Variants in ERC2 observed in about 807,000 individuals in gnomAD.
ERC2 encodes the protein ELKS/RAB6-interacting/CAST family member 2.
Under a neutral mutation model 114.8 loss-of-function variants are expected in ERC2, and 42 were observed. That is an observed-to-expected ratio of 0.37 (90% CI 0.29 to 0.47). The LOEUF (loss-of-function observed/expected upper bound fraction) is 0.47, where lower values mean the gene tolerates loss of function less well. Ranked by LOEUF, ERC2 falls within the 20% of genes least tolerant of loss-of-function variation. The pLI is 0.99. For synonymous variants in ERC2, 454 were observed against 425.5 expected (o/e 1.07, Z -0.82); for missense variants, 939 against 1,150.7 (o/e 0.82, Z 2.66).
intron 14 of ERC2, among the ~76,000 whole-genome samples, chr3:55,856,277 A>T (rs2149252605): frequency 6.6e-6 from 1 of 152,342 alleles, no homozygotes; most frequent in Admixed American, 6.5e-5. Context: ...TGCTTGAGTG[A>T]TCGATCTGCT....
intron 14 of ERC2, among the ~76,000 whole-genome samples, chr3:55,831,000 A>G (rs74817285): frequency 0.17 from 25,538 of 151,800 alleles, 2,418 homozygotes; most frequent in East Asian, 0.22. Context: ...ATAAATTAAA[A>G]TAGAATATTA....
chr3:56,265,283 G>A (rs1256346233), intron 3 of ERC2, among the ~76,000 whole-genome samples: 1 of 152,068 alleles, frequency 6.6e-6, no homozygotes, highest in African/African-American at 2.4e-5. Flanking sequence ...AGAACAGAGA[G>A]TTCAGAAAGA....
intron 2 of ERC2, among the ~76,000 whole-genome samples, chr3:56,360,765 A>T (rs2058926875): frequency 6.6e-6 from 1 of 152,040 alleles, no homozygotes; most frequent in Admixed American, 6.6e-5. Flanking sequence ...AAAATTAGCC[A>T]AGCATGGTGG....
intron 14 of ERC2, among the ~76,000 whole-genome samples, chr3:55,863,716 A>C (rs72879130): frequency 1.2e-3 from 176 of 152,278 alleles, no homozygotes; most frequent in African/African-American, 4.1e-3. Flanking sequence ...CATAAAAGTA[A>C]AAAGAAACAG....
chr3:55,536,702 C>T (rs778077518), intron 17 of ERC2, among the ~76,000 whole-genome samples: 3 of 152,166 alleles, frequency 2.0e-5, no homozygotes, highest in Non-Finnish European at 2.9e-5. Flanking sequence ...ACTAAACAAA[C>T]GGGTGTGGGA....
chr3:55,956,009 G>C (rs776035561), intron 12 of ERC2, among the ~76,000 whole-genome samples: 2 of 152,188 alleles, frequency 1.3e-5, no homozygotes, highest in Non-Finnish European at 2.9e-5. Context: ...GGGTTGATGA[G>C]TTAGTACTGG....
chr3:56,256,833 G>A (rs773799702), intron 3 of ERC2, among the ~76,000 whole-genome samples: 1 of 152,126 alleles, frequency 6.6e-6, no homozygotes, highest in Non-Finnish European at 1.5e-5. Context: ...GCCGCCTTGT[G>A]AATAAGGTGC....
At chr3:56,315,306 CACTTAGGA>C (rs1270703418) in intron 2 of ERC2, among the ~76,000 whole-genome samples, 1 of 152,018 alleles carries the variant, frequency 6.6e-6, no homozygotes, top group African/African-American at 2.4e-5. Context: ...ATTAAGGGGC[CACTTAGGA>C]ACCTGGAAAT....
chr3:56,430,747 C>T (rs375916209), intron 2 of ERC2, among the ~76,000 whole-genome samples: 3 of 152,178 alleles, frequency 2.0e-5, no homozygotes, highest in Admixed American at 1.3e-4. Flanking sequence ...CAGTATCGCA[C>T]CACTGCACTC....
At chr3:56,071,025 G>T (rs984865932) in intron 7 of ERC2, among the ~76,000 whole-genome samples, 2 of 152,096 alleles carry the variant, frequency 1.3e-5, no homozygotes, top group African/African-American at 4.8e-5. Flanking sequence ...AGTATACCTG[G>T]CTGATAGAGC....
At chr3:56,381,582 G>A (rs1024348032) in intron 2 of ERC2, among the ~76,000 whole-genome samples, 4 of 151,958 alleles carry the variant, frequency 2.6e-5, no homozygotes, top group African/African-American at 9.7e-5. Flanking sequence ...GCAGAGAATA[G>A]ATTCAATAGC....
At chr3:55,621,190 C>A (rs996144818) in intron 17 of ERC2, among the ~76,000 whole-genome samples, 4 of 151,742 alleles carry the variant, frequency 2.6e-5, no homozygotes, top group African/African-American at 4.9e-5. Flanking sequence ...CTTTGATCAC[C>A]TTTTTTTTCT....
chr3:55,588,451 G>A (rs534225682), intron 17 of ERC2, among the ~76,000 whole-genome samples: 5 of 152,154 alleles, frequency 3.3e-5, no homozygotes, highest in Admixed American at 6.5e-5. Context: ...CTTAGGCCCC[G>A]GTAAGCCGAA....
intron 4 of ERC2, among the ~76,000 whole-genome samples, chr3:56,155,133 C>T (rs1341513744): frequency 6.6e-6 from 1 of 152,086 alleles, no homozygotes. Flanking sequence ...TTTGGTCTGC[C>T]CAGCTTCCTT....
chr3:56,287,682 T>C (rs550589656), intron 3 of ERC2, among the ~76,000 whole-genome samples: 1 of 152,334 alleles, frequency 6.6e-6, no homozygotes, highest in East Asian at 1.9e-4. Flanking sequence ...TGGTCTACTC[T>C]GGATTACACT....
At chr3:55,551,506 G>C (rs1243062949) in intron 17 of ERC2, among the ~76,000 whole-genome samples, 1 of 152,158 alleles carries the variant, frequency 6.6e-6, no homozygotes, top group African/African-American at 2.4e-5. Context: ...CTTGGAGACA[G>C]AGTGCGATTC....
intron 14 of ERC2, among the ~76,000 whole-genome samples, chr3:55,805,674 A>AATG (rs142166278): frequency 2.8e-4 from 42 of 151,774 alleles, no homozygotes; most frequent in African/African-American, 9.9e-4. Context: ...TATTCACAAC[A>AATG]ACAACAAAGA....
intron 17 of ERC2, among the ~76,000 whole-genome samples, chr3:55,607,288 G>A (rs1343493638): frequency 3.9e-5 from 6 of 152,164 alleles, no homozygotes; most frequent in Non-Finnish European, 5.9e-5. Flanking sequence ...AACCCAGACT[G>A]GGGGTGAGTG....
At chr3:55,955,248 TTGTGTGTGTGTGTGTGTGTGTGTG>T (rs60633794) in intron 12 of ERC2, 142 of 360,800 alleles carry the variant, frequency 3.9e-4, no homozygotes, top group Middle Eastern at 7.6e-4. Flanking sequence ...GGTGGTGTGT[TTGTGTGTGTGTGTGTGTGTGTGTG>T]TGTGTGTGTG....
Sources: allele counts gnomAD v4.1 joint callset (sites outside exome capture counted in the v4.1 genomes callset), GRCh38; gene constraint gnomAD v4.1.1; transcripts MANE v1.5; gene names NCBI Gene and HGNC (gene_info 2026-07-23, HGNC 2026-07-21).